IL1RAPL1: variants seen among roughly 807,000 people sequenced by gnomAD.
The protein encoded by IL1RAPL1 is interleukin 1 receptor accessory protein like 1.
IL1RAPL1 carries 3 observed loss-of-function variants against 48.4 expected under a neutral mutation model. The ratio of observed to expected loss-of-function variants is 0.06; its 90% confidence interval spans 0.03 to 0.16. IL1RAPL1 has a LOEUF of 0.16. Among genes scored for constraint, IL1RAPL1 ranks in the 10% least tolerant of loss-of-function variants. The pLI is 1.00. For missense variants in IL1RAPL1, 349 were observed against 530.6 expected (o/e 0.66, Z 3.36); for synonymous variants, 185 against 187.7 (o/e 0.99, Z 0.12).
chrX:29,562,034 T>TTCTATCTATCTA (rs61324448), intron 5 of IL1RAPL1, among the ~76,000 whole-genome samples: 6 of 93,059 alleles, frequency 6.4e-5, no homozygotes, highest in African/African-American at 2.5e-4. Flanking sequence ...TCTTTTTCAA[T>TTCTATCTATCTA]TCTATCTATC....
intron 5 of IL1RAPL1, among the ~76,000 whole-genome samples, chrX:29,479,247 GAAATAC>G (rs1314171732): frequency 9.4e-6 from 1 of 106,839 alleles, no homozygotes; most frequent in African/African-American, 3.4e-5. Flanking sequence ...ATGTCTCTAC[GAAATAC>G]AAATAAAAAT....
intron 6 of IL1RAPL1, among the ~76,000 whole-genome samples, chrX:29,857,775 A>C (rs1007782201): frequency 2.7e-5 from 3 of 111,497 alleles, no homozygotes; most frequent in Admixed American, 1.9e-4. Flanking sequence ...GTAAAACCTA[A>C]ATGGTTTTAC....
chrX:28,616,962 T>C lies in IL1RAPL1; in HGVS notation c.-25+28915T>C, dbSNP rs934231292. 1.5e-4 allele frequency among the ~76,000 whole-genome samples: 17 copies of C among 112,232 alleles called. 1 individual carries two copies. In the South Asian group the frequency reaches 4.7e-3, roughly 31 times the overall value. ...CAGTCACAGGGAAGTATTCAAAAAT[T>C]GTGAAACTTTACAAGTTTGTTTTTC... On this transcript the variant is annotated intron_variant, in intron 1 of 10. Transcript: ENST00000378993.
chrX:29,255,119 G>A (rs1871749835), intron 2 of IL1RAPL1, among the ~76,000 whole-genome samples: 1 of 80,107 alleles, frequency 1.2e-5, no homozygotes, highest in Non-Finnish European at 2.6e-5. Flanking sequence ...AGTAACTAAG[G>A]TATTTGTGTG....
At chrX:29,561,672 A>G (rs976283169) in intron 5 of IL1RAPL1, among the ~76,000 whole-genome samples, 5 of 111,857 alleles carry the variant, frequency 4.5e-5, no homozygotes, top group Non-Finnish European at 9.4e-5. Flanking sequence ...GGGTGATGCA[A>G]GTAAAATGAA....
At chrX:29,453,634 G>C (rs1207295215) in intron 5 of IL1RAPL1, among the ~76,000 whole-genome samples, 1 of 111,191 alleles carries the variant, frequency 9.0e-6, no homozygotes, top group Non-Finnish European at 1.9e-5. Flanking sequence ...CATCATCTGG[G>C]GGAGCTTTTA....
chrX:28,699,465 A>G (rs1935271489), intron 1 of IL1RAPL1, among the ~76,000 whole-genome samples: 1 of 112,570 alleles, frequency 8.9e-6, no homozygotes, highest in East Asian at 2.8e-4. Flanking sequence ...ATATTTTGAA[A>G]TGGATAAATG....
intron 2 of IL1RAPL1, among the ~76,000 whole-genome samples, chrX:29,259,052 C>G (rs955917444): frequency 3.6e-5 from 4 of 111,299 alleles, no homozygotes; most frequent in Non-Finnish European, 7.6e-5. Flanking sequence ...CTTTGTCAGA[C>G]TCAAATTGGA....
At chrX:29,407,913 T>C (rs1300856445) in intron 5 of IL1RAPL1, among the ~76,000 whole-genome samples, 1 of 112,496 alleles carries the variant, frequency 8.9e-6, no homozygotes. Context: ...AATTCTGTTT[T>C]GCATTGTGTA....
chrX:29,524,226 T>G (rs1265831105), intron 5 of IL1RAPL1, among the ~76,000 whole-genome samples: 1 of 107,025 alleles, frequency 9.3e-6, no homozygotes, highest in African/African-American at 3.4e-5. Flanking sequence ...CTTAAGAATA[T>G]TCTTAAAATA....
rs1213264891 is a variant in IL1RAPL1 at position 28,768,753 on chromosome X, CTCTATA to C, written c.-24-20565_-24-20560del. On this transcript the variant is annotated intron_variant, in intron 1 of 10. Coordinates refer to ENST00000378993, the MANE Select transcript of IL1RAPL1 (RefSeq NM_014271.4). ...TGTCTCTCTCTCTCTCTCTCTCTCT[CTCTATA>C]TATATATATATATATATATACACAC... 7.0e-3 allele frequency among the ~76,000 whole-genome samples: 373 copies of C among 53,554 alleles called. 2 individuals carry two copies. Among genetic ancestry groups the C allele is most frequent in the African/African-American group, 0.029 (349 of 11,923 alleles). The allele number at this position is 53,554 out of a possible 115,157, so 46.5% of individuals were successfully genotyped here. A position where few individuals can be genotyped will look rare whatever the true frequency, so the allele number is the denominator to read the frequency against.
At chrX:29,791,647 C>T (rs1417417412) in intron 6 of IL1RAPL1, among the ~76,000 whole-genome samples, 1 of 108,285 alleles carries the variant, frequency 9.2e-6, no homozygotes, top group Non-Finnish European at 1.9e-5. Flanking sequence ...TGGTCTCGAC[C>T]TCCTGACTTC....
rs181334649 is a variant in IL1RAPL1, at chrX:29,343,979, A to C, written c.363-52279A>C. ...ATCGAAAGTAGATTAATGCAAATGAACAAGATGCCAAGTACAGTATGAAAA... is the reference window on the plus strand; with the variant it reads ...ATCGAAAGTAGATTAATGCAAATGACCAAGATGCCAAGTACAGTATGAAAA... On this transcript the variant is annotated intron_variant, in intron 3 of 10. Transcript: ENST00000378993. 2.7e-3 allele frequency among the ~76,000 whole-genome samples: 302 copies of C among 112,425 alleles called. 1 individual carries two copies. Among genetic ancestry groups the C allele is most frequent in the African/African-American group, 9.3e-3 (287 of 30,984 alleles).
In IL1RAPL1 at chrX:29,053,677, T is replaced by C. The variant is rs182178725; in HGVS notation, c.83-229261T>C. ...GTCCAGAATGGTATTGCCTAGGTTG[T>C]CTTCCAGGAATTTATAGTTTGGGGT... On this transcript the variant is annotated intron_variant, in intron 2 of 10. Coordinates refer to ENST00000378993, the MANE Select transcript of IL1RAPL1 (RefSeq NM_014271.4). Among the ~76,000 whole-genome samples, 74 of 112,252 alleles carry C rather than the reference T, an allele frequency of 6.6e-4. No individual in the cohort carries two copies. In the Middle Eastern group the frequency reaches 0.014, roughly 21 times the overall value.
chrX:29,142,857 C>T (rs937934649), intron 2 of IL1RAPL1, among the ~76,000 whole-genome samples: 5 of 110,188 alleles, frequency 4.5e-5, no homozygotes, highest in Non-Finnish European at 9.5e-5. Flanking sequence ...TGTGCCACCA[C>T]ACCTGACTAA....
At chrX:29,599,398 A>C (rs920403047) in intron 5 of IL1RAPL1, among the ~76,000 whole-genome samples, 62 of 112,151 alleles carry the variant, frequency 5.5e-4, no homozygotes, top group African/African-American at 1.6e-3. Flanking sequence ...CTGTTAATCT[A>C]ATAGGTTTTC....
intron 2 of IL1RAPL1, among the ~76,000 whole-genome samples, chrX:28,879,252 C>T (rs1922448908): frequency 9.0e-6 from 1 of 110,983 alleles, no homozygotes; most frequent in African/African-American, 3.3e-5. Context: ...TATTGCTTAA[C>T]AGTTAGAATC....
chrX:29,090,311 T>C (rs1032359441), intron 2 of IL1RAPL1, among the ~76,000 whole-genome samples: 1 of 111,987 alleles, frequency 8.9e-6, no homozygotes, highest in Non-Finnish European at 1.9e-5. Context: ...TACTCCCCAC[T>C]ATTGTAGATT....
intron 5 of IL1RAPL1, among the ~76,000 whole-genome samples, chrX:29,520,281 C>T (rs184668560): frequency 8.9e-6 from 1 of 111,865 alleles, no homozygotes; most frequent in Non-Finnish European, 1.9e-5. Flanking sequence ...GTTCTTAAAA[C>T]TTTGGTATGT....
Sources: gnomAD v4.1 joint callset for allele counts (sites outside exome capture counted in the v4.1 genomes callset) on GRCh38, gnomAD v4.1.1 for gene constraint, MANE v1.5 for transcripts, NCBI Gene and HGNC (gene_info 2026-07-23, HGNC 2026-07-21) for gene names.